Variants in WASF3 observed in about 807,000 individuals in gnomAD.
WASF3 encodes the protein WASP family member 3.
WASF3 carries 11 observed loss-of-function variants against 46.6 expected under a neutral mutation model. The ratio of observed to expected loss-of-function variants is 0.24; its 90% CI spans 0.15 to 0.39. The LOEUF is 0.39. Among genes scored for constraint, WASF3 ranks in the 10% least tolerant of loss-of-function variants. The pLI is 1.00. For missense variants in WASF3, 576 were observed against 669.8 expected, an observed-to-expected ratio of 0.86 and a Z score of 1.55; for synonymous variants, 242 against 259.7, an observed-to-expected ratio of 0.93 and a Z score of 0.65.
At chr13:26,657,701 A>G (rs769809010) in intron 3 of WASF3, among the ~76,000 whole-genome samples, 17 of 152,258 alleles carry the variant, frequency 1.1e-4, no homozygotes, top group Non-Finnish European at 2.2e-4. Context: ...ATTTACCTCA[A>G]TGTGCTCCAT....
At chr13:26,555,073 C>T (rs1375896713), upstream of WASF3, among the ~76,000 whole-genome samples, 6 of 152,018 alleles carry the variant, frequency 3.9e-5, no homozygotes, top group Non-Finnish European at 7.3e-5. Flanking sequence ...TTGTTGTTGC[C>T]GTTAGCTTTT....
intron 9 of WASF3, among the ~76,000 whole-genome samples, chr13:26,683,566 T>C (rs142777744): frequency 5.4e-4 from 82 of 152,180 alleles, no homozygotes; most frequent in African/African-American, 1.9e-3. Flanking sequence ...TAATTGGATC[T>C]CTTCTCTGCA....
At chr13:26,568,991 G>T (rs905813793) in intron 1 of WASF3, among the ~76,000 whole-genome samples, 1 of 152,066 alleles carries the variant, frequency 6.6e-6, no homozygotes, top group Non-Finnish European at 1.5e-5. Flanking sequence ...TTATTTTTGG[G>T]ACAGGTGATA....
rs1003396664 is a variant in WASF3 at position 26,558,555 on chromosome 13, C to T, written c.-109+736C>T. Among the ~76,000 whole-genome samples the T allele has an allele frequency of 4.0e-5, 6 of 150,450 alleles. No homozygotes were observed. The East Asian group carries it at 5.8e-4, about 15-fold the overall frequency. Reference sequence around the variant, plus strand: ...GGGCTTTAGCGAGGGCAGAAGCTTCCTCTCAGTTTGTGGTGCTGACGTGCA... The same window carrying T: ...GGGCTTTAGCGAGGGCAGAAGCTTCTTCTCAGTTTGTGGTGCTGACGTGCA... On this transcript the variant is annotated intron_variant, in intron 1 of 9. Coordinates refer to ENST00000335327, the MANE Select transcript of WASF3 (RefSeq NM_006646.6).
intron 3 of WASF3, among the ~76,000 whole-genome samples, chr13:26,652,347 A>G (rs1593171267): frequency 6.6e-6 from 1 of 152,350 alleles, no homozygotes; most frequent in East Asian, 1.9e-4. Flanking sequence ...TATGTACCTA[A>G]CAAGAGGACT....
chr13:26,635,314 T>C (rs1881784244), intron 2 of WASF3, among the ~76,000 whole-genome samples: 1 of 152,240 alleles, frequency 6.6e-6, no homozygotes, highest in Non-Finnish European at 1.5e-5. Flanking sequence ...ATGAAGTTCT[T>C]GTGCCATGGT....
At position 26,675,650 on chromosome 13, in the gene WASF3, C is replaced by CTGTGTGTG. The variant is rs35156420; in HGVS notation, c.541-883_541-876dup. Among the ~76,000 whole-genome samples the CTGTGTGTG allele has an allele frequency of 5.7e-3, 832 of 147,070 alleles. 6 individuals carry two copies. Among genetic ancestry groups the CTGTGTGTG allele is most frequent in the Middle Eastern group, 0.014 (4 of 284 alleles). ...GGCTCCATGAGCACAGATGCCATGT[C>CTGTGTGTG]TGTGTGTGTGTGTGTGTGTGTGTTT... On this transcript the variant is annotated intron_variant, in intron 6 of 9. Coordinates refer to ENST00000335327, the MANE Select transcript of WASF3 (RefSeq NM_006646.6).
chr13:26,654,212 A>T (rs1414042091), intron 3 of WASF3, among the ~76,000 whole-genome samples: 2 of 151,554 alleles, frequency 1.3e-5, no homozygotes, highest in African/African-American at 4.9e-5. Flanking sequence ...TTTCCCCATC[A>T]CTCACTAGCC....
chr13:26,675,650 C>CTCTGTGTGTGTGTG (rs1555255547), intron 6 of WASF3, among the ~76,000 whole-genome samples: 1 of 146,980 alleles, frequency 6.8e-6, no homozygotes, highest in African/African-American at 2.5e-5. Flanking sequence ...GATGCCATGT[C>CTCTGTGTGTGTGTG]TGTGTGTGTG....
chr13:26,567,418 C>T (rs1879498203), intron 1 of WASF3, among the ~76,000 whole-genome samples: 1 of 152,150 alleles, frequency 6.6e-6, no homozygotes, highest in Non-Finnish European at 1.5e-5. Flanking sequence ...TAAACTACAG[C>T]CTGTGGGCCA....
intron 6 of WASF3, among the ~76,000 whole-genome samples, 198 bp downstream of exon 6, chr13:26,672,187 A>C (rs1204548403): frequency 1.3e-5 from 2 of 152,236 alleles, no homozygotes; most frequent in African/African-American, 4.8e-5. Context: ...TATGTTCTCC[A>C]GCACTTGCTT....
At chr13:26,650,080 C>A (rs772747148) in intron 3 of WASF3, among the ~76,000 whole-genome samples, 12 of 151,960 alleles carry the variant, frequency 7.9e-5, no homozygotes, top group Non-Finnish European at 1.5e-4. Context: ...AAAAAAGCGC[C>A]CAAAACATTT....
At chr13:26,657,291 G>T (rs1882494685) in intron 3 of WASF3, among the ~76,000 whole-genome samples, 1 of 152,198 alleles carries the variant, frequency 6.6e-6, no homozygotes, top group Non-Finnish European at 1.5e-5. Context: ...TCCAAATACA[G>T]AAGATAATGT....
chr13:26,649,314 G>A (rs1882242667), intron 3 of WASF3, among the ~76,000 whole-genome samples: 1 of 152,206 alleles, frequency 6.6e-6, no homozygotes, highest in Non-Finnish European at 1.5e-5. Flanking sequence ...GTGATCAAGA[G>A]AAACAGAAGA....
At chr13:26,603,072 A>G (rs1880689525) in intron 1 of WASF3, among the ~76,000 whole-genome samples, 1 of 152,182 alleles carries the variant, frequency 6.6e-6, no homozygotes, top group South Asian at 2.1e-4. Context: ...TGGGGAGGTA[A>G]GAGTAACTGC....
rs559804214 is a variant in WASF3 at position 26,649,930 on chromosome 13, G to C, written c.133+7527G>C. ...CTAAAAAAATACAAAAATTAGCCAG[G>C]CGTGGTGGTGGGCACCTATAATCCC... is the stretch of plus-strand genomic sequence containing the variant. On this transcript the variant is annotated intron_variant, in intron 3 of 9. Coordinates refer to ENST00000335327, the MANE Select transcript of WASF3 (RefSeq NM_006646.6). Among the ~76,000 whole-genome samples, 3 of 152,196 alleles carry C rather than the reference G, an allele frequency of 2.0e-5. No homozygotes were observed. The East Asian group carries it at 5.8e-4, about 29-fold the overall frequency.
chr13:26,641,869 G>A (rs1882007130), intron 2 of WASF3: 1 of 152,738 alleles, frequency 6.5e-6, no homozygotes, highest in African/African-American at 2.4e-5. Context: ...CAGTTCTGTG[G>A]GACAACTGGG....
chr13:26,574,005 A>C (rs1879715636), intron 1 of WASF3, among the ~76,000 whole-genome samples: 1 of 152,218 alleles, frequency 6.6e-6, no homozygotes, highest in African/African-American at 2.4e-5. Flanking sequence ...GTATAACTGT[A>C]CCACTGTTCA....
chr13:26,662,413 CAGT>C (rs1882656457), intron 3 of WASF3, among the ~76,000 whole-genome samples: 1 of 152,196 alleles, frequency 6.6e-6, no homozygotes, highest in Non-Finnish European at 1.5e-5. Flanking sequence ...GAGTACCTAT[CAGT>C]GGTGGATTGG....
Sources: gnomAD v4.1 joint callset for allele counts (sites outside exome capture counted in the v4.1 genomes callset) on GRCh38, gnomAD v4.1.1 for gene constraint, MANE v1.5 for transcripts, NCBI Gene and HGNC (gene_info 2026-07-23, HGNC 2026-07-21) for gene names.